PALM2AKAP2: variants seen among roughly 807,000 people sequenced by gnomAD.
PALM2AKAP2 encodes PALM2 and AKAP2 fusion.
In PALM2AKAP2, 37 loss-of-function variants were observed where a neutral mutation model predicts 71.5. The observed-to-expected ratio is 0.52, with a 90% CI of 0.40 to 0.68. PALM2AKAP2 has a LOEUF of 0.68. Among genes scored for constraint, PALM2AKAP2 ranks in the 30% least tolerant of loss-of-function variants. PALM2AKAP2 has a pLI of 0.00. For missense variants in PALM2AKAP2, 1,224 were observed against 1,191.8 expected, an observed-to-expected ratio of 1.03 and a Z score of -0.40; for synonymous variants, 468 against 478.8, an observed-to-expected ratio of 0.98 and a Z score of 0.29.
intron 7 of PALM2AKAP2, among the ~76,000 whole-genome samples, chr9:110,036,137 G>T (rs1029579175): frequency 2.6e-5 from 4 of 151,930 alleles, no homozygotes; most frequent in Non-Finnish European, 5.9e-5. Context: ...GGGTTTCACC[G>T]TGTTAGCTAG....
chr9:109,831,304 G>A (rs1227162554), intron 1 of PALM2AKAP2, among the ~76,000 whole-genome samples: 1 of 152,100 alleles, frequency 6.6e-6, no homozygotes. Context: ...ACTGACTGAT[G>A]AGTACTCCCC....
At chr9:109,905,840 T>G (rs1479129757) in intron 3 of PALM2AKAP2, among the ~76,000 whole-genome samples, 1 of 152,066 alleles carries the variant, frequency 6.6e-6, no homozygotes, top group African/African-American at 2.4e-5. Context: ...GAAGAAACAG[T>G]CAGGCCAGGG....
intron 6 of PALM2AKAP2, among the ~76,000 whole-genome samples, chr9:109,998,136 A>G (rs2132263687): frequency 6.6e-6 from 1 of 152,334 alleles, no homozygotes; most frequent in Non-Finnish European, 1.5e-5. Flanking sequence ...GTTGTGATCA[A>G]GCAAGATGAT....
intron 1 of PALM2AKAP2, among the ~76,000 whole-genome samples, chr9:109,850,180 G>A (rs1828972270): frequency 6.6e-6 from 1 of 152,174 alleles, no homozygotes; most frequent in Admixed American, 6.5e-5. Context: ...TTCAAAGCTG[G>A]TGGAGGACTT....
At chr9:109,679,737 A>C (rs1166284893) in intron 1 of PALM2AKAP2, among the ~76,000 whole-genome samples, 2 of 152,180 alleles carry the variant, frequency 1.3e-5, no homozygotes, top group Non-Finnish European at 2.9e-5. Flanking sequence ...CTAAAAAACA[A>C]AAACAAAAAA....
At chr9:110,112,839 A>C (rs1454334812) in intron 1 of PALM2AKAP2, among the ~76,000 whole-genome samples, 1 of 152,274 alleles carries the variant, frequency 6.6e-6, no homozygotes, top group Non-Finnish European at 1.5e-5. Flanking sequence ...TACAGCTATC[A>C]AGAGTACTGA....
rs896495385 is a variant in PALM2AKAP2, at chr9:109,641,444, C to T, written c.5+578C>T. 1.1e-4 allele frequency among the ~76,000 whole-genome samples: 16 copies of T among 152,296 alleles called. No homozygotes were observed. The East Asian group carries it at 2.5e-3, about 24-fold the overall frequency. On this transcript the variant is annotated intron_variant, in intron 1 of 6. Transcript: ENST00000374531. ...TAAGACAAACATATTGGCGGCAGCC[C>T]GGAGTGGAATTACAACGTTTGGCAC...
chr9:109,728,329 C>T (rs1285613802), intron 1 of PALM2AKAP2, among the ~76,000 whole-genome samples: 1 of 152,218 alleles, frequency 6.6e-6, no homozygotes. Flanking sequence ...TTGGCAACTG[C>T]CTTGCCTTAC....
chr9:109,833,299 A>G (rs1005031598), intron 1 of PALM2AKAP2, among the ~76,000 whole-genome samples: 22 of 152,136 alleles, frequency 1.4e-4, no homozygotes, highest in Admixed American at 6.6e-4. Context: ...AAGTTGCAGT[A>G]AGCCGGGATC....
At chr9:109,644,452 TTAAC>T (rs1369493867) in intron 1 of PALM2AKAP2, among the ~76,000 whole-genome samples, 6 of 152,218 alleles carry the variant, frequency 3.9e-5, no homozygotes, top group Admixed American at 3.9e-4. Context: ...ATGTTTTAAT[TTAAC>T]CAACAAACGT....
intron 1 of PALM2AKAP2, among the ~76,000 whole-genome samples, chr9:110,066,880 G>T (rs1157632275): frequency 6.6e-6 from 1 of 151,944 alleles, no homozygotes; most frequent in Admixed American, 6.6e-5. Flanking sequence ...GTTTTTGCAG[G>T]TATTCATGAT....
At chr9:110,107,985 T>C (rs1835156706) in intron 1 of PALM2AKAP2, among the ~76,000 whole-genome samples, 2 of 152,362 alleles carry the variant, frequency 1.3e-5, no homozygotes, top group South Asian at 4.1e-4. Context: ...ATAAGTTTAT[T>C]TTTTAAACTC....
intron 1 of PALM2AKAP2, among the ~76,000 whole-genome samples, chr9:109,686,939 G>C (rs1235986040): frequency 6.7e-6 from 1 of 150,082 alleles, no homozygotes; most frequent in Non-Finnish European, 1.5e-5. Flanking sequence ...TTGGTTTTTT[G>C]TCCTTGTGAT....
intron 1 of PALM2AKAP2, among the ~76,000 whole-genome samples, chr9:110,097,897 G>A (rs1156951222): frequency 4.3e-5 from 6 of 140,912 alleles, no homozygotes; most frequent in South Asian, 2.1e-4. Flanking sequence ...AGGAGACTCC[G>A]TCTGCAATCC....
At chr9:109,651,978 A>G (rs1260625022) in intron 1 of PALM2AKAP2, among the ~76,000 whole-genome samples, 2 of 152,188 alleles carry the variant, frequency 1.3e-5, no homozygotes, top group African/African-American at 4.8e-5. Flanking sequence ...TGCTATTTAA[A>G]AATGTGATAA....
At chr9:109,937,571 G>A (rs1831255893) in intron 6 of PALM2AKAP2, among the ~76,000 whole-genome samples, 2 of 152,138 alleles carry the variant, frequency 1.3e-5, no homozygotes, top group Non-Finnish European at 1.5e-5. Context: ...CAGCTGTCTC[G>A]CTGGCTTCTT....
chr9:109,885,230 G>A (rs55724548), intron 3 of PALM2AKAP2, among the ~76,000 whole-genome samples: 8,016 of 152,216 alleles, frequency 0.053, 279 homozygotes, highest in South Asian at 0.14. Flanking sequence ...TTGGAAGGGC[G>A]AATGTTGTTC....
intron 1 of PALM2AKAP2, among the ~76,000 whole-genome samples, chr9:110,091,143 A>G (rs1165468931): frequency 6.6e-6 from 1 of 152,130 alleles, no homozygotes; most frequent in African/African-American, 2.4e-5. Context: ...CTTCTCTTAG[A>G]AGTCAAAGAG....
intron 1 of PALM2AKAP2, among the ~76,000 whole-genome samples, chr9:109,827,409 G>C (rs527357364): frequency 6.6e-6 from 1 of 152,182 alleles, no homozygotes; most frequent in Admixed American, 6.5e-5. Flanking sequence ...AGGAGTTTGA[G>C]AGCAGCCTCC....
Sources: gnomAD v4.1 joint callset for allele counts (sites outside exome capture counted in the v4.1 genomes callset) on GRCh38, gnomAD v4.1.1 for gene constraint, MANE v1.5 for transcripts, NCBI Gene and HGNC (gene_info 2026-07-23, HGNC 2026-07-21) for gene names.